The following PRKG1 variants were observed in gnomAD, a reference collection of about 807,000 sequenced individuals.
PRKG1 encodes cGMP-dependent protein kinase 1.
Under a neutral mutation model 88.1 loss-of-function variants are expected in PRKG1, and 35 were observed. The ratio of observed to expected loss-of-function variants is 0.40; its 90% CI spans 0.30 to 0.53. PRKG1 has a LOEUF of 0.53. PRKG1 is among the 20% of genes least tolerant of loss of function. The pLI is 0.59. For missense variants in PRKG1, 540 were observed against 839.8 expected, an observed-to-expected ratio of 0.64 and a Z score of 4.41; for synonymous variants, 303 against 292.5, an observed-to-expected ratio of 1.04 and a Z score of -0.37.
chr10:51,870,932 C>T (rs1589375787), intron 4 of PRKG1, among the ~76,000 whole-genome samples: 2 of 152,180 alleles, frequency 1.3e-5, no homozygotes, highest in Admixed American at 1.3e-4. Flanking sequence ...CTGAGTTACT[C>T]TACACTCTTC....
chr10:51,463,920 A>C (rs577102161), intron 2 of PRKG1, among the ~76,000 whole-genome samples: 1 of 152,310 alleles, frequency 6.6e-6, no homozygotes, highest in East Asian at 1.9e-4. Context: ...TCCAGGTAAC[A>C]AAGTACAGAC....
At chr10:52,176,765 T>C (rs1188271006) in intron 9 of PRKG1, among the ~76,000 whole-genome samples, 1 of 152,168 alleles carries the variant, frequency 6.6e-6, no homozygotes, top group African/African-American at 2.4e-5. Flanking sequence ...TTTTATTTTA[T>C]TGTAGCTATT....
At chr10:51,599,730 G>A (rs573745563) in intron 3 of PRKG1, among the ~76,000 whole-genome samples, 12 of 152,172 alleles carry the variant, frequency 7.9e-5, no homozygotes, top group East Asian at 5.8e-4. Flanking sequence ...ATAACCTTCC[G>A]GCTATTTTAA....
chr10:52,084,657 C>T (rs1564462151), intron 7 of PRKG1, among the ~76,000 whole-genome samples: 1 of 151,812 alleles, frequency 6.6e-6, no homozygotes, highest in Non-Finnish European at 1.5e-5. Context: ...CCCTAATGTC[C>T]CAATATATGT....
intron 1 of PRKG1, among the ~76,000 whole-genome samples, chr10:51,040,564 C>G (rs1309076884): frequency 1.3e-5 from 2 of 151,856 alleles, no homozygotes; most frequent in South Asian, 4.2e-4. Context: ...GTGATACACC[C>G]ACCTAGGCCT....
At chr10:51,729,666 A>G (rs1336154700) in intron 3 of PRKG1, among the ~76,000 whole-genome samples, 3 of 142,824 alleles carry the variant, frequency 2.1e-5, no homozygotes, top group Non-Finnish European at 3.0e-5. Context: ...GAGGTCATGC[A>G]ACTGCACTCC....
chr10:51,626,678 T>TC (rs1380644432), intron 3 of PRKG1, among the ~76,000 whole-genome samples: 8 of 152,320 alleles, frequency 5.3e-5, no homozygotes, highest in Admixed American at 3.9e-4. Flanking sequence ...CTTTTGTTTT[T>TC]CTGCAATTTC....
intron 9 of PRKG1, among the ~76,000 whole-genome samples, chr10:52,251,173 G>A (rs556403442): frequency 3.3e-4 from 50 of 152,050 alleles, no homozygotes; most frequent in Middle Eastern, 3.4e-3. Flanking sequence ...ACTGCCATCC[G>A]AAATCTGAAC....
chr10:51,159,196 G>C (rs2131985049), intron 2 of PRKG1, among the ~76,000 whole-genome samples: 1 of 152,210 alleles, frequency 6.6e-6, no homozygotes, highest in South Asian at 2.1e-4. Flanking sequence ...GACATTCAAA[G>C]AGGGATTTTA....
intron 5 of PRKG1, among the ~76,000 whole-genome samples, chr10:52,029,480 C>A (rs1270698801): frequency 6.6e-6 from 1 of 152,154 alleles, no homozygotes; most frequent in Non-Finnish European, 1.5e-5. Flanking sequence ...GAGGAAGCAC[C>A]AGTAGAGATG....
At chr10:52,129,909 A>T (rs1376041295) in intron 7 of PRKG1, among the ~76,000 whole-genome samples, 1 of 152,202 alleles carries the variant, frequency 6.6e-6, no homozygotes. Flanking sequence ...ATAGCAAAGC[A>T]TATAAGCAGC....
intron 3 of PRKG1, among the ~76,000 whole-genome samples, chr10:51,716,882 GA>G (rs1468255749): frequency 6.6e-6 from 1 of 152,190 alleles, no homozygotes; most frequent in African/African-American, 2.4e-5. Context: ...ATTTTTAGTA[GA>G]GATGGAGTTT....
chr10:51,335,871 G>A (rs1453145256), intron 2 of PRKG1, among the ~76,000 whole-genome samples: 4 of 152,208 alleles, frequency 2.6e-5, no homozygotes, highest in South Asian at 4.1e-4. Context: ...CTCTGTTTAT[G>A]AATGGATTAA....
intron 2 of PRKG1, among the ~76,000 whole-genome samples, chr10:51,211,259 T>C (rs1183589422): frequency 6.6e-6 from 1 of 152,108 alleles, no homozygotes; most frequent in Non-Finnish European, 1.5e-5. Flanking sequence ...TTGACAAAAT[T>C]CAACAACGCT....
At chr10:51,032,821 GCTTT>G (rs1181198935) in intron 1 of PRKG1, among the ~76,000 whole-genome samples, 1 of 151,864 alleles carries the variant, frequency 6.6e-6, no homozygotes, top group Non-Finnish European at 1.5e-5. Flanking sequence ...TTTATTCTAA[GCTTT>G]CTTATTGAAA....
chr10:51,949,487 T>G (rs984582530), intron 5 of PRKG1, among the ~76,000 whole-genome samples: 1 of 151,418 alleles, frequency 6.6e-6, no homozygotes, highest in Non-Finnish European at 1.5e-5. Context: ...TAAAATTTGG[T>G]TTAGATTGGT....
chr10:51,669,426 A>G (rs1390667305), intron 3 of PRKG1, among the ~76,000 whole-genome samples: 1 of 152,210 alleles, frequency 6.6e-6, no homozygotes, highest in Non-Finnish European at 1.5e-5. Flanking sequence ...TATCTCCAAT[A>G]CAGTCACACA....
intron 4 of PRKG1, among the ~76,000 whole-genome samples, chr10:51,808,420 A>G (rs1589305720): frequency 6.6e-6 from 1 of 152,020 alleles, no homozygotes; most frequent in Non-Finnish European, 1.5e-5. Context: ...AACATGTGCA[A>G]CCCTGTCTCT....
intron 1 of PRKG1, among the ~76,000 whole-genome samples, chr10:51,125,986 A>G (rs1845389094): frequency 7.9e-6 from 1 of 126,372 alleles, no homozygotes; most frequent in Non-Finnish European, 1.6e-5. Flanking sequence ...TATACATATA[A>G]TTATATAAAT....
Sources: allele counts gnomAD v4.1 joint callset (sites outside exome capture counted in the v4.1 genomes callset), GRCh38; gene constraint gnomAD v4.1.1; transcripts MANE v1.5; gene names NCBI Gene and HGNC (gene_info 2026-07-23, HGNC 2026-07-21).